Variants in STK31 observed in about 807,000 individuals in gnomAD.
STK31 encodes serine/threonine kinase 31, also known as serine/threonine-protein kinase 31.
In STK31, 89 loss-of-function variants were observed where a neutral mutation model predicts 129.7. The ratio of observed to expected loss-of-function variants is 0.69; its 90% CI spans 0.58 to 0.82. STK31 has a LOEUF of 0.82. Among genes scored for constraint, STK31 ranks in the 40% least tolerant of loss-of-function variants. STK31 has a pLI of 0.00. For synonymous variants in STK31, 448 were observed against 395.3 expected (o/e 1.13, Z -1.58); for missense variants, 1,187 against 1,176.4 (o/e 1.01, Z -0.13).
At chr7:23,815,578 C>A (rs1238731098) in intron 23 of STK31, among the ~76,000 whole-genome samples, 1 of 152,038 alleles carries the variant, frequency 6.6e-6, no homozygotes, top group Non-Finnish European at 1.5e-5. Context: ...TTTTGAGTAG[C>A]TATTTCTGTG....
chr7:23,798,790 GAGA>G (rs1792173529), intron 22 of STK31, among the ~76,000 whole-genome samples: 1 of 152,130 alleles, frequency 6.6e-6, no homozygotes, highest in African/African-American at 2.4e-5. Flanking sequence ...CAAATAGGAA[GAGA>G]GACAGTCAAA....
upstream of STK31, chr7:23,710,192 T>C: frequency 1.3e-6 from 2 of 1,597,616 alleles, no homozygotes; most frequent in Non-Finnish European, 1.7e-6. Flanking sequence ...CGCAGCGCTG[T>C]GCACGCAGGC....
intron 22 of STK31, among the ~76,000 whole-genome samples, chr7:23,803,377 C>A (rs748583321): frequency 7.9e-5 from 12 of 151,986 alleles, no homozygotes; most frequent in Non-Finnish European, 1.3e-4. Flanking sequence ...TTAGAAATAG[C>A]AATAATAAAA....
rs763482114 is a variant in STK31, at chr7:23,762,765, G to C, written c.1294-36G>C. On this transcript the variant is annotated intron_variant, in intron 10 of 23. Transcript: ENST00000355870. Reference sequence around the variant, plus strand: ...AGGTCATATGCGGAAAAGACCTGATGTATTAATGATGGTTATTCTTTTTTT... The same window carrying C: ...AGGTCATATGCGGAAAAGACCTGATCTATTAATGATGGTTATTCTTTTTTT... 4.6e-5 allele frequency: 73 copies of C among 1,602,522 alleles called. 2 individuals carry two copies. Among genetic ancestry groups the C allele is most frequent in the Non-Finnish European group, 5.0e-5 (59 of 1,176,784 alleles).
chr7:23,791,294 C>G, intron 22 of STK31: 1 of 985,230 alleles, frequency 1.0e-6, no homozygotes, highest in Non-Finnish European at 1.2e-6. Context: ...GACCAAATAG[C>G]TGTTTCTCAT....
chr7:23,831,488 A>T (rs549210299), intron 23 of STK31, among the ~76,000 whole-genome samples: 9 of 152,066 alleles, frequency 5.9e-5, no homozygotes, highest in African/African-American at 1.7e-4. Flanking sequence ...GCAGCATACA[A>T]TTGGGTCATT....
chr7:23,764,018 C>G (rs1037196307), intron 11 of STK31, among the ~76,000 whole-genome samples: 12 of 152,132 alleles, frequency 7.9e-5, no homozygotes, highest in African/African-American at 2.9e-4. Context: ...TCAGGGACAT[C>G]TGGGCATTGT....
chr7:23,780,387 G>A (rs1467071494), intron 15 of STK31, among the ~76,000 whole-genome samples: 3 of 152,216 alleles, frequency 2.0e-5, no homozygotes, highest in Non-Finnish European at 4.4e-5. Context: ...CCAAGGTTAA[G>A]GATGCATGCC....
At chr7:23,726,959 T>G (rs1291149497) in intron 4 of STK31, among the ~76,000 whole-genome samples, 1 of 152,148 alleles carries the variant, frequency 6.6e-6, no homozygotes, top group Non-Finnish European at 1.5e-5. Context: ...AAAATTTTTT[T>G]TTTTGCTTTT....
intron 6 of STK31, among the ~76,000 whole-genome samples, chr7:23,730,872 A>ATT (rs1455690740): frequency 0.011 from 623 of 55,842 alleles, 12 homozygotes; most frequent in Non-Finnish European, 0.018. Context: ...ATATATATAT[A>ATT]TATATATTTT....
chr7:23,816,610 G>A (rs767087343), intron 23 of STK31, among the ~76,000 whole-genome samples: 1 of 152,192 alleles, frequency 6.6e-6, no homozygotes, highest in Non-Finnish European at 1.5e-5. Context: ...GAGGACCTCA[G>A]TTGTTCTCTA....
At chr7:23,738,202 T>C (rs1002148701) in intron 8 of STK31, among the ~76,000 whole-genome samples, 1 of 152,126 alleles carries the variant, frequency 6.6e-6, no homozygotes, top group Admixed American at 6.5e-5. Context: ...ACTTACAGTT[T>C]TATTATTAAG....
At chr7:23,801,863 GT>G (rs1792393652) in intron 22 of STK31, among the ~76,000 whole-genome samples, 2 of 152,096 alleles carry the variant, frequency 1.3e-5, no homozygotes, top group African/African-American at 4.8e-5. Flanking sequence ...GTGTGAGTCT[GT>G]TTGTGGACTC....
chr7:23,794,365 T>G (rs982192262), intron 22 of STK31, among the ~76,000 whole-genome samples: 1 of 152,208 alleles, frequency 6.6e-6, no homozygotes, highest in African/African-American at 2.4e-5. Context: ...TCTGCCATGA[T>G]TGTAAGTTTC....
At chr7:23,802,772 T>TCC (rs1170621639) in intron 22 of STK31, among the ~76,000 whole-genome samples, 1 of 152,128 alleles carries the variant, frequency 6.6e-6, no homozygotes, top group African/African-American at 2.4e-5. Flanking sequence ...CCTTGGCCTC[T>TCC]CAAAGTGCTG....
At position 23,710,281 on chromosome 7, in the gene STK31, C is replaced by G; in HGVS notation, c.-5C>G. ...CTACGGCGGGCGGAGGGCCGAAAGT[C>G]CAGTATGTGGGTCCAGGGTCACTCT... is the stretch of plus-strand genomic sequence containing the variant. On this transcript the variant is annotated 5_prime_UTR_variant, in exon 1 of 24. Coordinates refer to ENST00000355870, the MANE Select transcript of STK31 (RefSeq NM_031414.5). 1.2e-6 allele frequency: 2 copies of G among 1,611,784 alleles called. No homozygotes were observed. The highest frequency in any genetic ancestry group is 1.7e-6 in the Non-Finnish European group (2 of 1,179,870).
chr7:23,806,901 GA>G (rs34751124), intron 22 of STK31, among the ~76,000 whole-genome samples: 4,937 of 75,970 alleles, frequency 0.065, 223 homozygotes, highest in African/African-American at 0.19. Flanking sequence ...CTCCGTCTCA[GA>G]AAAAAAAAAA....
At chr7:23,734,370 T>TA (rs1435179980) in intron 6 of STK31, among the ~76,000 whole-genome samples, 1 of 152,250 alleles carries the variant, frequency 6.6e-6, no homozygotes, top group African/African-American at 2.4e-5. Context: ...AAAGAATACT[T>TA]ACTTTTAATT....
Position 23,762,798 on chromosome 7 carries a change from C to T in STK31, c.1294-3C>T, listed in dbSNP as rs1789549959. The T allele has an allele frequency of 1.9e-6, 3 of 1,607,028 alleles. No individual in the cohort carries two copies. The highest frequency in any genetic ancestry group is 2.2e-5 in the East Asian group (1 of 44,548). On this transcript the variant is annotated splice_region_variant and splice_polypyrimidine_tract_variant and intron_variant, in intron 10 of 23. Coordinates refer to ENST00000355870, the MANE Select transcript of STK31 (RefSeq NM_031414.5). Reference sequence around the variant, plus strand: ...GATGGTTATTCTTTTTTTCTTCCTCCAGAGTGAAGGGAATATTTTGATTGC... The same window carrying T: ...GATGGTTATTCTTTTTTTCTTCCTCTAGAGTGAAGGGAATATTTTGATTGC...
Sources: gnomAD v4.1 joint callset for allele counts (sites outside exome capture counted in the v4.1 genomes callset) on GRCh38, gnomAD v4.1.1 for gene constraint, MANE v1.5 for transcripts, NCBI Gene and HGNC (gene_info 2026-07-23, HGNC 2026-07-21) for gene names.